Variants in PC observed in about 807,000 individuals in gnomAD.
PC encodes the protein pyruvate carboxylase, mitochondrial.
In PC, 46 loss-of-function variants were observed where a neutral mutation model predicts 107.8. That is an observed-to-expected ratio of 0.43 (90% CI 0.34 to 0.55). PC has a LOEUF of 0.55. Ranked by LOEUF, PC falls within the 20% of genes least tolerant of loss-of-function variation. PC has a pLI of 0.04. For synonymous variants in PC, 662 were observed against 684.7 expected (o/e 0.97, Z 0.52); for missense variants, 1,241 against 1,643.1 (o/e 0.76, Z 4.23).
In PC at chr11:66,848,471, G is replaced by GC. The variant is rs915442764; in HGVS notation, c.*427dup. 1.1e-5 allele frequency: 6 copies of GC among 540,612 alleles called. No individual in the cohort carries two copies. The highest frequency in any genetic ancestry group is 8.8e-5 in the East Asian group (3 of 33,964). The allele number at this position is 540,612 out of a possible 1,614,324, so 33.5% of individuals were successfully genotyped here. A position where few individuals can be genotyped will look rare whatever the true frequency, so the allele number is the denominator to read the frequency against. On this transcript the variant is annotated 3_prime_UTR_variant, in exon 23 of 23. Transcript: ENST00000393960. Reference sequence around the variant, plus strand: ...CCACCCATGGGGAGCTTGAAAGGCAGCCCCCCACTGCTGAGTGGTGCAGGC... The same window carrying GC: ...CCACCCATGGGGAGCTTGAAAGGCAGCCCCCCCACTGCTGAGTGGTGCAGGC...
chr11:66,891,613 A>G (rs961595139), intron 3 of PC, among the ~76,000 whole-genome samples: 2 of 151,692 alleles, frequency 1.3e-5, no homozygotes, highest in Non-Finnish European at 2.9e-5. Flanking sequence ...GCTGGTCGTG[A>G]ACTCCTGACC....
intron 12 of PC, chr11:66,859,162 G>T: frequency 6.9e-7 from 1 of 1,450,120 alleles, no homozygotes; most frequent in Non-Finnish European, 9.1e-7. Context: ...TCCCCACAAG[G>T]CTTTGCTTCC....
chr11:66,906,507 C>G (rs1277571528), intron 3 of PC, among the ~76,000 whole-genome samples: 1 of 152,176 alleles, frequency 6.6e-6, no homozygotes, highest in Non-Finnish European at 1.5e-5. Context: ...GCCTAGAACT[C>G]CCGGGGTGGG....
At position 66,858,395 on chromosome 11, in the gene PC, G is replaced by T. The variant is rs550930114; in HGVS notation, c.1369-5012C>A. ...CTCCGGACCCGCTTTTCTCTCGTGGGCGTGATGCAGAGGCCTCTCCCGCCC... is the reference window on the plus strand; with the variant it reads ...CTCCGGACCCGCTTTTCTCTCGTGGTCGTGATGCAGAGGCCTCTCCCGCCC... On this transcript the variant is annotated intron_variant, in intron 12 of 22. Transcript: ENST00000393960. The surrounding 1 kb of genome is among the most constrained non-coding windows in gnomAD (Gnocchi z 5.9). 2 of 1,563,388 alleles carry T rather than the reference G, an allele frequency of 1.3e-6. No individual in the cohort carries two copies. Among genetic ancestry groups the T allele is most frequent in the South Asian group, 1.2e-5 (1 of 86,848 alleles).
chr11:66,937,780 GTT>G (rs113916680), intron 3 of PC, among the ~76,000 whole-genome samples: 2 of 137,228 alleles, frequency 1.5e-5, no homozygotes, highest in Non-Finnish European at 3.2e-5. Context: ...GGTTTTTTTT[GTT>G]TTTTTTTTTT....
At chr11:66,937,174 G>A (rs2136123689) in intron 3 of PC, among the ~76,000 whole-genome samples, 1 of 152,232 alleles carries the variant, frequency 6.6e-6, no homozygotes, top group South Asian at 2.1e-4. Context: ...GGTCAAGGAA[G>A]CTTGACTAAT....
chr11:66,876,096 A>G (rs1946967199), intron 3 of PC, among the ~76,000 whole-genome samples: 1 of 152,250 alleles, frequency 6.6e-6, no homozygotes, highest in African/African-American at 2.4e-5. Flanking sequence ...GGTGAGAGCC[A>G]CACACGATCC....
At chr11:66,934,732 A>C (rs1358219723) in intron 3 of PC, among the ~76,000 whole-genome samples, 1 of 152,092 alleles carries the variant, frequency 6.6e-6, no homozygotes, top group African/African-American at 2.4e-5. Context: ...CCTGGGTTCA[A>C]GTGATTTTCC....
At chr11:66,872,840 A>C (rs1229351324) in intron 3 of PC, among the ~76,000 whole-genome samples, 4 of 150,448 alleles carry the variant, frequency 2.7e-5, no homozygotes, top group Non-Finnish European at 5.9e-5. Context: ...GTTCGAGACC[A>C]GCCTGGCCAA....
intron 3 of PC, among the ~76,000 whole-genome samples, chr11:66,903,771 A>ATATAT (rs1194041066): frequency 1.2e-5 from 1 of 81,710 alleles, no homozygotes; most frequent in East Asian, 3.4e-4. Flanking sequence ...AAAAAAAAAA[A>ATATAT]AAATATATAT....
intron 11 of PC, among the ~76,000 whole-genome samples, chr11:66,865,495 C>T (rs555600398): frequency 4.6e-5 from 7 of 152,242 alleles, no homozygotes; most frequent in African/African-American, 7.2e-5. Context: ...GGACCAGAGG[C>T]GGGGGAGATG....
chr11:66,890,582 C>T (rs894650630), intron 3 of PC, among the ~76,000 whole-genome samples: 1 of 150,542 alleles, frequency 6.6e-6, no homozygotes, highest in South Asian at 2.1e-4. Context: ...CTCAGTGCAA[C>T]CTCTGCCTCC....
chr11:66,917,767 G>A (rs1002916770), intron 3 of PC, among the ~76,000 whole-genome samples: 1 of 152,158 alleles, frequency 6.6e-6, no homozygotes, highest in Non-Finnish European at 1.5e-5. Flanking sequence ...GTATAATAAC[G>A]GAGAAATTTA....
intron 3 of PC, among the ~76,000 whole-genome samples, chr11:66,907,060 G>A (rs986443806): frequency 2.0e-5 from 3 of 152,196 alleles, no homozygotes; most frequent in Admixed American, 6.5e-5. Flanking sequence ...CACAGCACAC[G>A]AAGGGCCGGC....
chr11:66,887,046 T>C (rs981140969), intron 3 of PC, among the ~76,000 whole-genome samples: 2 of 152,116 alleles, frequency 1.3e-5, no homozygotes, highest in African/African-American at 4.8e-5. Flanking sequence ...TGTTGGGGAA[T>C]GTGTGGAAGG....
At chr11:66,881,748 C>A (rs1947195454) in intron 3 of PC, among the ~76,000 whole-genome samples, 1 of 152,260 alleles carries the variant, frequency 6.6e-6, no homozygotes, top group African/African-American at 2.4e-5. Flanking sequence ...CCCCTCATCA[C>A]CTCCCTGTAC....
chr11:66,956,212 C>T (rs1949557577), intron 1 of PC, among the ~76,000 whole-genome samples: 1 of 152,212 alleles, frequency 6.6e-6, no homozygotes, highest in African/African-American at 2.4e-5. Context: ...AAGTTTCTTA[C>T]ACCCAACAGT....
In PC at chr11:66,852,657, G is replaced by A. The variant is rs751657066; in HGVS notation, c.1607C>T (p.Pro536Leu). Reference protein sequence around the residue: ...DPVVPAVPIGPPPAGFRDILL... With the variant: ...DPVVPAVPIGLPPAGFRDILL... Reference sequence around the variant, plus strand: ...GATGTCTCTGAAACCAGCCGGGGGCGGGCCTAGGGTAGACAGGGGCATTGG... The same window carrying A: ...GATGTCTCTGAAACCAGCCGGGGGCAGGCCTAGGGTAGACAGGGGCATTGG... Residue 536 changes from proline (P) to leucine (L), a missense_variant, in exon 15 of 23, where the codon CCG (proline) becomes CTG (leucine). Physicochemically the swap from Pro to Leu is moderately conservative, Grantham distance 98. This residue lies in a region of PC where 1,143 missense variants were observed against 1,551.9 expected (regional missense o/e 0.74). Transcript: ENST00000393960. This position sits in a 1 kb window ranked among gnomAD's most constrained non-coding sequence, Gnocchi z 4.7. The A allele has an allele frequency of 2.6e-5, 42 of 1,613,496 alleles. No individual in the cohort carries two copies. The highest frequency in any genetic ancestry group is 1.3e-4 in the Admixed American group (8 of 59,982).
At chr11:66,926,771 G>A (rs1189676575) in intron 3 of PC, among the ~76,000 whole-genome samples, 1 of 119,184 alleles carries the variant, frequency 8.4e-6, no homozygotes, top group Non-Finnish European at 1.6e-5. Context: ...CCATCTCTAT[G>A]GCCTATTCTG....
Sources: allele counts gnomAD v4.1 joint callset (sites outside exome capture counted in the v4.1 genomes callset), GRCh38; gene constraint gnomAD v4.1.1; regional missense constraint gnomAD v4.1.1; non-coding constraint Gnocchi (gnomAD v3.1); transcripts MANE v1.5; gene names NCBI Gene and HGNC (gene_info 2026-07-23, HGNC 2026-07-21).